Variants in SLC26A5 observed in about 807,000 individuals in gnomAD.
SLC26A5 encodes the protein prestin.
In SLC26A5, 51 loss-of-function variants were observed where a neutral mutation model predicts 81.0. The observed-to-expected ratio is 0.63, with a 90% confidence interval of 0.50 to 0.80. The LOEUF is 0.80. Among genes scored for constraint, SLC26A5 ranks in the 30% least tolerant of loss-of-function variants. The pLI is 0.00. For synonymous variants in SLC26A5, 325 were observed against 332.8 expected, an observed-to-expected ratio of 0.98 and a Z score of 0.25; for missense variants, 771 against 905.8, an observed-to-expected ratio of 0.85 and a Z score of 1.91.
chr7:103,376,255 T>C (rs1563510391), intron 19 of SLC26A5, among the ~76,000 whole-genome samples: 1 of 151,818 alleles, frequency 6.6e-6, no homozygotes, highest in Non-Finnish European at 1.5e-5. Flanking sequence ...TTTGTATTTT[T>C]AGTAGAGATG....
At chr7:103,382,289 GTTAAC>G (rs777683052) in intron 14 of SLC26A5, among the ~76,000 whole-genome samples, 40 of 148,106 alleles carry the variant, frequency 2.7e-4, no homozygotes, top group African/African-American at 9.2e-4. Flanking sequence ...TAGCATAGAT[GTTAAC>G]TTAATTTAGT....
intron 11 of SLC26A5, among the ~76,000 whole-genome samples, chr7:103,391,258 T>G (rs2116478585): frequency 6.6e-6 from 1 of 152,378 alleles, no homozygotes; most frequent in South Asian, 2.1e-4. Context: ...GGCTGCCATA[T>G]TGGACAGTGC....
chr7:103,373,185 A>G (rs919082665), downstream of SLC26A5, among the ~76,000 whole-genome samples: 1 of 152,230 alleles, frequency 6.6e-6, no homozygotes, highest in African/African-American at 2.4e-5. Flanking sequence ...TTCAATGCCA[A>G]AGGAATACCA....
At chr7:103,422,499 A>G (rs1825423844) in intron 2 of SLC26A5, among the ~76,000 whole-genome samples, 1 of 152,206 alleles carries the variant, frequency 6.6e-6, no homozygotes, top group African/African-American at 2.4e-5. Flanking sequence ...AGTATATGTT[A>G]TTACATATAT....
chr7:103,417,785 G>A (rs1825038815), intron 4 of SLC26A5, among the ~76,000 whole-genome samples: 1 of 152,022 alleles, frequency 6.6e-6, no homozygotes, highest in African/African-American at 2.4e-5. Context: ...TTTTGCTCTT[G>A]TCACCCAGGC....
intron 2 of SLC26A5, among the ~76,000 whole-genome samples, chr7:103,442,263 G>C (rs1483627200): frequency 6.6e-6 from 1 of 151,956 alleles, no homozygotes; most frequent in East Asian, 1.9e-4. Context: ...TCAGCCTCCC[G>C]AGTAGTTGGG....
intron 14 of SLC26A5, among the ~76,000 whole-genome samples, chr7:103,382,650 G>T (rs1428919605): frequency 6.6e-6 from 1 of 152,044 alleles, no homozygotes; most frequent in Non-Finnish European, 1.5e-5. Flanking sequence ...CACTGTGCCT[G>T]CCCCTAATTC....
At position 103,377,316 on chromosome 7, in the gene SLC26A5, G is replaced by A. The variant is rs756897476; in HGVS notation, c.1986+283C>T. ...AATACACATTAAAATATTTACAGATGATGTTATGACTGGGATGTGTTTCAA... is the reference window on the plus strand; with the variant it reads ...AATACACATTAAAATATTTACAGATAATGTTATGACTGGGATGTGTTTCAA... On this transcript the variant is annotated intron_variant, in intron 18 of 19. Coordinates refer to ENST00000306312, the MANE Select transcript of SLC26A5 (RefSeq NM_198999.3). 1.4e-4 allele frequency among the ~76,000 whole-genome samples: 22 copies of A among 152,218 alleles called. 1 individual carries two copies. Among genetic ancestry groups the A allele is most frequent in the Admixed American group, 2.6e-4 (4 of 15,278 alleles).
At chr7:103,360,581 AC>A (rs1820324011) in intron 19 of SLC26A5, among the ~76,000 whole-genome samples, 1 of 152,100 alleles carries the variant, frequency 6.6e-6, no homozygotes, top group African/African-American at 2.4e-5. Context: ...TCTGTACCTT[AC>A]TTTTAGCTCT....
chr7:103,402,075 A>G (rs1417689901), intron 8 of SLC26A5, among the ~76,000 whole-genome samples: 2 of 152,156 alleles, frequency 1.3e-5, no homozygotes, highest in African/African-American at 2.4e-5. Flanking sequence ...CTGGCATCAT[A>G]AAATCAGTTA....
intron 8 of SLC26A5, among the ~76,000 whole-genome samples, chr7:103,404,633 C>A (rs1823879512): frequency 6.6e-6 from 1 of 152,032 alleles, no homozygotes; most frequent in South Asian, 2.1e-4. Flanking sequence ...TCATTTCAAC[C>A]TTGGTGAATC....
chr7:103,431,197 C>T lies in SLC26A5; in HGVS notation c.-53-9630G>A, dbSNP rs1246923140. ...ACTGGTTGACTAGTCATTTCTTTTT[C>T]CAACATAATATACACATGATAAAAT... On this transcript the variant is annotated intron_variant, in intron 2 of 19. Transcript: ENST00000306312. Among the ~76,000 whole-genome samples, 5 of 152,238 alleles carry T rather than the reference C, an allele frequency of 3.3e-5. No homozygotes were observed. The East Asian group carries it at 7.7e-4, about 23-fold the overall frequency.
chr7:103,418,068 C>G (rs1825064821), intron 4 of SLC26A5, among the ~76,000 whole-genome samples: 1 of 152,138 alleles, frequency 6.6e-6, no homozygotes, highest in South Asian at 2.1e-4. Flanking sequence ...CTGCAATTGG[C>G]ACCTCCATCC....
Position 103,421,355 on chromosome 7 carries a change from C to T in SLC26A5, c.152+8G>A. 8 of 1,613,982 alleles carry T rather than the reference C, an allele frequency of 5.0e-6. No individual in the cohort carries two copies. Among genetic ancestry groups the T allele is most frequent in the Non-Finnish European group, 6.8e-6 (8 of 1,179,906 alleles). On this transcript the variant is annotated splice_region_variant and intron_variant, in intron 3 of 19. Transcript: ENST00000306312. ...ACAATAACAGAAACAGGTTAAAAGG[C>T]AACGTACGTGAATGCCTGTTTCAGC... is the stretch of plus-strand genomic sequence containing the variant.
chr7:103,378,607 C>T (rs764652029), intron 16 of SLC26A5, 54 bp from the exon 17 acceptor site: 1 of 1,427,628 alleles, frequency 7.0e-7, no homozygotes, highest in African/African-American at 1.4e-5. Flanking sequence ...AGGGACCCAC[C>T]CCAATGCCAC....
intron 19 of SLC26A5, among the ~76,000 whole-genome samples, chr7:103,360,592 T>C (rs945338092): frequency 1.3e-5 from 2 of 152,208 alleles, no homozygotes; most frequent in African/African-American, 2.4e-5. Context: ...CTTTTAGCTC[T>C]ACCTATGTGC....
intron 14 of SLC26A5, chr7:103,388,784 T>C: frequency 4.2e-6 from 2 of 475,858 alleles, no homozygotes; most frequent in South Asian, 3.7e-5. Flanking sequence ...GATGGGAGCA[T>C]AAATTGTGAC....
At chr7:103,429,969 C>G (rs12164066) in intron 2 of SLC26A5, among the ~76,000 whole-genome samples, 6,130 of 152,288 alleles carry the variant, frequency 0.04, 214 homozygotes, top group East Asian at 0.18. Context: ...CTTATCCACT[C>G]CCCTTAAATT....
intron 17 of SLC26A5, 61 bp from the exon 18 acceptor site, chr7:103,377,860 A>G: frequency 6.7e-7 from 1 of 1,499,020 alleles, no homozygotes; most frequent in South Asian, 1.1e-5. Context: ...TGGTTGTGAG[A>G]AAGATTTATA....
Sources: allele counts gnomAD v4.1 joint callset (sites outside exome capture counted in the v4.1 genomes callset), GRCh38; gene constraint gnomAD v4.1.1; transcripts MANE v1.5; gene names NCBI Gene and HGNC (gene_info 2026-07-23, HGNC 2026-07-21).